The following EXOC2 variants were observed in gnomAD, a reference collection of about 807,000 sequenced individuals.
EXOC2 encodes SEC5-like 1.
Under a neutral mutation model 131.8 loss-of-function variants are expected in EXOC2, and 70 were observed. That is an observed-to-expected ratio of 0.53 (90% confidence interval 0.44 to 0.65). EXOC2 has a LOEUF of 0.65. Among genes scored for constraint, EXOC2 ranks in the 30% least tolerant of loss-of-function variants. EXOC2 has a pLI of 0.00. For synonymous variants in EXOC2, 411 were observed against 398.4 expected, an observed-to-expected ratio of 1.03 and a Z score of -0.38; for missense variants, 923 against 1,108.6, an observed-to-expected ratio of 0.83 and a Z score of 2.38.
intron 23 of EXOC2, among the ~76,000 whole-genome samples, chr6:518,766 AC>A (rs1381542034): frequency 6.6e-6 from 1 of 152,220 alleles, no homozygotes; most frequent in Non-Finnish European, 1.5e-5. Context: ...AAAAAAGATG[AC>A]CAATGAAAAT....
chr6:527,350 TA>T (rs1160026677), intron 23 of EXOC2, among the ~76,000 whole-genome samples: 2 of 152,266 alleles, frequency 1.3e-5, no homozygotes, highest in African/African-American at 4.8e-5. Context: ...ATGTCTCTTG[TA>T]AAATTCAGTG....
intron 6 of EXOC2, among the ~76,000 whole-genome samples, chr6:615,319 G>T (rs770707794): frequency 9.9e-5 from 15 of 151,980 alleles, no homozygotes; most frequent in Admixed American, 5.2e-4. Context: ...CCCCAGACAC[G>T]AATGCACTCC....
chr6:553,909 T>A lies in EXOC2; in HGVS notation c.2066A>T (p.Asp689Val), dbSNP rs1420140620. ...TCCAAACAAGTCAGGGGAAGAAACATCAACAGAGAGACTGAACATAGAAGC... is the reference window on the plus strand; with the variant it reads ...TCCAAACAAGTCAGGGGAAGAAACAACAACAGAGAGACTGAACATAGAAGC... ...ADIDTTHLSV[D>V]VSSPDLFGSI... Residue 689 changes from aspartate (D) to valine (V), a missense_variant, in exon 21 of 28, where the codon GAT (aspartate) becomes GTT (valine). Transcript: ENST00000230449. The A allele has an allele frequency of 6.2e-7, 1 of 1,613,824 alleles. No homozygotes were observed. The highest frequency in any genetic ancestry group is 8.5e-7 in the Non-Finnish European group (1 of 1,179,844).
intron 23 of EXOC2, among the ~76,000 whole-genome samples, chr6:504,317 G>A (rs1435263538): frequency 6.6e-6 from 1 of 152,224 alleles, no homozygotes; most frequent in Non-Finnish European, 1.5e-5. Flanking sequence ...GAGGGGCTCC[G>A]TGTGCATCCG....
chr6:564,118 A>T lies in EXOC2; in HGVS notation c.1704T>A (p.Pro568=). ...CCTGGATAGTCTGTAACAGGTCATT[A>T]GGAATTTCAAGGGCAGTCAACGATT... is the stretch of plus-strand genomic sequence containing the variant. ...THESLTALEI[P]NDLLQTIQDL... Residue 568 remains proline (P), a synonymous_variant, in exon 16 of 28, where the codon CCT becomes CCA. Coordinates refer to ENST00000230449, the MANE Select transcript of EXOC2 (RefSeq NM_018303.6). The T allele has an allele frequency of 6.2e-7, 1 of 1,614,196 alleles. No individual in the cohort carries two copies. The highest frequency in any genetic ancestry group is 8.5e-7 in the Non-Finnish European group (1 of 1,180,032).
At chr6:664,840 A>G (rs1347864269) in intron 1 of EXOC2, among the ~76,000 whole-genome samples, 2 of 152,136 alleles carry the variant, frequency 1.3e-5, no homozygotes, top group African/African-American at 2.4e-5. Flanking sequence ...AAAATTCTAG[A>G]AGATAATGTT....
intron 1 of EXOC2, among the ~76,000 whole-genome samples, chr6:673,741 A>G (rs1408295087): frequency 6.6e-6 from 1 of 152,196 alleles, no homozygotes; most frequent in African/African-American, 2.4e-5. Context: ...TCTCATCTGT[A>G]TTTGCCTTCC....
intron 1 of EXOC2, chr6:657,052 C>T: frequency 4.3e-6 from 4 of 936,804 alleles, no homozygotes; most frequent in East Asian, 2.9e-5. Context: ...CTCCCTCCGG[C>T]CCCCCAGCTA....
rs1763814006 is a variant in EXOC2 at position 497,599 on chromosome 6, A to C, written c.2437-110T>G. Reference sequence around the variant, plus strand: ...CAAAAGAAAATCAACAGGACTTCTAAGTCATTTTTAAAAGGCCAAAATTAT... The same window carrying C: ...CAAAAGAAAATCAACAGGACTTCTACGTCATTTTTAAAAGGCCAAAATTAT... On this transcript the variant is annotated intron_variant, in intron 24 of 27. Transcript: ENST00000230449. 4 of 1,417,622 alleles carry C rather than the reference A, an allele frequency of 2.8e-6. No individual in the cohort carries two copies. The South Asian group carries it at 5.3e-5, about 19-fold the overall frequency. The allele number at this position is 1,417,622 out of a possible 1,614,324, so 87.8% of individuals were successfully genotyped here.
At chr6:555,384 T>C (rs1279308296) in intron 19 of EXOC2, 96 bp from the exon 20 acceptor site, 9 of 707,080 alleles carry the variant, frequency 1.3e-5, no homozygotes, top group East Asian at 1.1e-4. Flanking sequence ...AAAGTAGAAT[T>C]ATATATCTCA....
At chr6:644,185 A>G (rs541484697) in intron 1 of EXOC2, among the ~76,000 whole-genome samples, 1 of 152,256 alleles carries the variant, frequency 6.6e-6, no homozygotes, top group South Asian at 2.1e-4. Context: ...CAACCAAGCA[A>G]GGCCAGTTTT....
At chr6:669,275 G>A (rs1000483454) in intron 1 of EXOC2, 3 of 152,410 alleles carry the variant, frequency 2.0e-5, no homozygotes, top group African/African-American at 7.2e-5. Flanking sequence ...AACCTCCTGT[G>A]GCCCCCTGCC....
rs571519804 is a variant in EXOC2 at position 646,221 on chromosome 6, T to C, written c.-43-8360A>G. Reference sequence around the variant, plus strand: ...TGATTTTGGTAACTGTATTATAATATAAGAGAATGTCCTTATTCTTAATAA... The same window carrying C: ...TGATTTTGGTAACTGTATTATAATACAAGAGAATGTCCTTATTCTTAATAA... On this transcript the variant is annotated intron_variant, in intron 1 of 27. Transcript: ENST00000230449. 5.3e-5 allele frequency among the ~76,000 whole-genome samples: 8 copies of C among 152,308 alleles called. No individual in the cohort carries two copies. In the East Asian group the frequency reaches 1.5e-3, roughly 29 times the overall value.
intron 22 of EXOC2, among the ~76,000 whole-genome samples, chr6:546,887 G>C (rs1214794711): frequency 6.6e-6 from 1 of 152,204 alleles, no homozygotes; most frequent in Non-Finnish European, 1.5e-5. Context: ...GACTGCACAG[G>C]GGGTTGGCAC....
chr6:535,118 G>A (rs1324642488), intron 22 of EXOC2, among the ~76,000 whole-genome samples: 2 of 152,084 alleles, frequency 1.3e-5, no homozygotes, highest in African/African-American at 2.4e-5. Context: ...AAAATAGAAG[G>A]AAAAGATAAA....
intron 23 of EXOC2, among the ~76,000 whole-genome samples, chr6:505,720 TATTGG>T (rs1341604398): frequency 1.3e-5 from 2 of 152,190 alleles, no homozygotes; most frequent in African/African-American, 4.8e-5. Flanking sequence ...CTGTCTCTCC[TATTGG>T]ACCGTACACT....
intron 7 of EXOC2, among the ~76,000 whole-genome samples, chr6:607,586 G>T (rs1760488139): frequency 6.6e-6 from 1 of 152,096 alleles, no homozygotes; most frequent in Non-Finnish European, 1.5e-5. Flanking sequence ...ATTTAAAGCA[G>T]AATTAATTAA....
At chr6:545,833 T>G (rs919001477) in intron 22 of EXOC2, among the ~76,000 whole-genome samples, 3 of 152,074 alleles carry the variant, frequency 2.0e-5, no homozygotes, top group Non-Finnish European at 4.4e-5. Flanking sequence ...ATGGGAGAGG[T>G]TAAAAATACT....
chr6:567,871 G>A (rs958978923), intron 13 of EXOC2, among the ~76,000 whole-genome samples: 2 of 152,196 alleles, frequency 1.3e-5, no homozygotes, highest in Non-Finnish European at 2.9e-5. Context: ...GCCCCGGGAG[G>A]CAGATCTGCC....
Sources: allele counts gnomAD v4.1 joint callset (sites outside exome capture counted in the v4.1 genomes callset), GRCh38; gene constraint gnomAD v4.1.1; transcripts MANE v1.5; gene names NCBI Gene and HGNC (gene_info 2026-07-23, HGNC 2026-07-21).